CNTNAP2: variants seen among roughly 807,000 people sequenced by gnomAD.
The protein encoded by CNTNAP2 is contactin-associated protein-like 2.
Under a neutral mutation model 155.2 loss-of-function variants are expected in CNTNAP2, and 98 were observed. The ratio of observed to expected loss-of-function variants is 0.63; its 90% confidence interval spans 0.54 to 0.75. The LOEUF (loss-of-function observed/expected upper bound fraction) is 0.75, where lower values mean the gene tolerates loss of function less well. CNTNAP2 is among the 30% of genes least tolerant of loss of function. CNTNAP2 has a pLI of 0.00. For synonymous variants in CNTNAP2, 651 were observed against 631.2 expected, an observed-to-expected ratio of 1.03 and a Z score of -0.47; for missense variants, 1,727 against 1,688.1, an observed-to-expected ratio of 1.02 and a Z score of -0.40.
rs191594858 is a variant in CNTNAP2, at chr7:146,596,342, A to G, written c.98-177929A>G. On this transcript the variant is annotated intron_variant, in intron 1 of 23. Transcript: ENST00000361727. ...AGTGAATTGGTACAAGGACACCCAG[A>G]AGCACAATGTCAGGTGATGAAAAGG... Among the ~76,000 whole-genome samples the G allele has an allele frequency of 1.3e-3, 199 of 152,052 alleles. 1 individual carries two copies. The highest frequency in any genetic ancestry group is 4.5e-3 in the African/African-American group (186 of 41,522).
chr7:147,379,765 C>T (rs1052377646), intron 9 of CNTNAP2, among the ~76,000 whole-genome samples: 2 of 152,066 alleles, frequency 1.3e-5, no homozygotes, highest in African/African-American at 2.4e-5. Flanking sequence ...GGGCTAGGGG[C>T]GTGAGGGAGT....
intron 18 of CNTNAP2, among the ~76,000 whole-genome samples, chr7:148,186,501 G>A (rs1364354613): frequency 2.6e-5 from 4 of 152,160 alleles, no homozygotes; most frequent in African/African-American, 9.7e-5. Flanking sequence ...GATCCAAGTT[G>A]TGTTCATGGA....
chr7:147,345,556 CA>C (rs1418446875), intron 9 of CNTNAP2, among the ~76,000 whole-genome samples: 2 of 152,138 alleles, frequency 1.3e-5, no homozygotes, highest in Non-Finnish European at 2.9e-5. Context: ...TGGCGTGTTA[CA>C]TACAGAAGTT....
At chr7:147,372,006 A>G (rs1796356452) in intron 9 of CNTNAP2, among the ~76,000 whole-genome samples, 1 of 152,124 alleles carries the variant, frequency 6.6e-6, no homozygotes, top group African/African-American at 2.4e-5. Flanking sequence ...GGTAGCCACC[A>G]CAAAGGGCTG....
intron 4 of CNTNAP2, among the ~76,000 whole-genome samples, chr7:147,049,476 A>T (rs73154328): frequency 5.4e-4 from 82 of 152,276 alleles, no homozygotes; most frequent in Non-Finnish European, 7.5e-4. Flanking sequence ...GAGCTTAGTG[A>T]ACTGTTGTCT....
At chr7:146,977,996 T>C (rs1797944977) in intron 3 of CNTNAP2, among the ~76,000 whole-genome samples, 1 of 152,138 alleles carries the variant, frequency 6.6e-6, no homozygotes, top group Admixed American at 6.6e-5. Context: ...GGAGTAAATA[T>C]AGAAAAGGTC....
chr7:147,853,626 T>G (rs1452362966), intron 13 of CNTNAP2, among the ~76,000 whole-genome samples: 1 of 152,174 alleles, frequency 6.6e-6, no homozygotes. Context: ...AGAATTTGGG[T>G]TGGCACAGTC....
intron 19 of CNTNAP2, among the ~76,000 whole-genome samples, chr7:148,220,570 A>G (rs1795728748): frequency 6.6e-6 from 1 of 152,168 alleles, no homozygotes; most frequent in African/African-American, 2.4e-5. Flanking sequence ...TGTTAAACCA[A>G]AAAAACATGA....
intron 1 of CNTNAP2, among the ~76,000 whole-genome samples, chr7:146,624,975 A>C (rs570356087): frequency 1.6e-4 from 25 of 152,092 alleles, no homozygotes; most frequent in African/African-American, 6.0e-4. Context: ...AGAAGACAAA[A>C]AAGAAAAATA....
intron 2 of CNTNAP2, among the ~76,000 whole-genome samples, chr7:146,807,505 T>C (rs972131385): frequency 1.3e-5 from 2 of 152,154 alleles, no homozygotes; most frequent in African/African-American, 2.4e-5. Context: ...GAGAGGAACA[T>C]GTAAATTATT....
At chr7:146,736,926 C>T (rs1431086013) in intron 1 of CNTNAP2, among the ~76,000 whole-genome samples, 4 of 151,376 alleles carry the variant, frequency 2.6e-5, no homozygotes, top group African/African-American at 2.4e-5. Context: ...AATATACACA[C>T]ATATATATAT....
chr7:146,749,780 T>TTG (rs980595676), intron 1 of CNTNAP2, among the ~76,000 whole-genome samples: 105 of 152,082 alleles, frequency 6.9e-4, no homozygotes, highest in Non-Finnish European at 1.2e-4. Flanking sequence ...ATTTCAGGGG[T>TTG]TGTAGTATTA....
At chr7:148,209,854 C>T (rs1795513024) in intron 18 of CNTNAP2, among the ~76,000 whole-genome samples, 1 of 152,164 alleles carries the variant, frequency 6.6e-6, no homozygotes, top group African/African-American at 2.4e-5. Flanking sequence ...CTATGGTCTC[C>T]CCTGAGGGTT....
chr7:148,230,039 T>C (rs1227212416), intron 20 of CNTNAP2, among the ~76,000 whole-genome samples: 1 of 152,236 alleles, frequency 6.6e-6, no homozygotes, highest in Non-Finnish European at 1.5e-5. Context: ...TTCCCAGTTC[T>C]AGATCCACAT....
At chr7:146,602,403 A>G (rs1214492062) in intron 1 of CNTNAP2, among the ~76,000 whole-genome samples, 4 of 152,302 alleles carry the variant, frequency 2.6e-5, no homozygotes, top group Middle Eastern at 3.4e-3. Flanking sequence ...CATACAGAGT[A>G]AGATAAGAGA....
At chr7:148,086,021 GTC>G (rs1191622846) in intron 15 of CNTNAP2, among the ~76,000 whole-genome samples, 2 of 152,144 alleles carry the variant, frequency 1.3e-5, no homozygotes, top group African/African-American at 4.8e-5. Context: ...GCCTAGATCT[GTC>G]TCTCTTAAAT....
intron 1 of CNTNAP2, among the ~76,000 whole-genome samples, chr7:146,607,399 A>T (rs1585004214): frequency 6.6e-6 from 1 of 152,116 alleles, no homozygotes; most frequent in African/African-American, 2.4e-5. Context: ...ACGAATGGGC[A>T]TTTAGGCTGC....
rs117869014 is a variant in CNTNAP2, at chr7:148,267,275, G to A, written c.3475+149G>A. 837 of 727,966 alleles carry A rather than the reference G, an allele frequency of 1.1e-3. 5 individuals are homozygous for A. Among genetic ancestry groups the A allele is most frequent in the Middle Eastern group, 9.3e-3 (27 of 2,908 alleles). 45.1% of individuals were successfully genotyped at this position (727,966 alleles called of 1,614,324 possible). Reference sequence around the variant, plus strand: ...ACAGGAAAGTTACGTGGTTGTTCTCGGTGTTGCACAAGCAAAGCGTCAACA... The same window carrying A: ...ACAGGAAAGTTACGTGGTTGTTCTCAGTGTTGCACAAGCAAAGCGTCAACA... On this transcript the variant is annotated intron_variant, in intron 21 of 23. Transcript: ENST00000361727.
At chr7:148,051,402 CTCTTT>C (rs1233140118) in intron 15 of CNTNAP2, among the ~76,000 whole-genome samples, 1 of 151,146 alleles carries the variant, frequency 6.6e-6, no homozygotes, top group Non-Finnish European at 1.5e-5. Flanking sequence ...TGTTTTCTTT[CTCTTT>C]TCTTTTCTGT....
Sources: allele counts gnomAD v4.1 joint callset (sites outside exome capture counted in the v4.1 genomes callset), GRCh38; gene constraint gnomAD v4.1.1; transcripts MANE v1.5; gene names NCBI Gene and HGNC (gene_info 2026-07-23, HGNC 2026-07-21).